Variants in MYO1B observed in about 807,000 individuals in gnomAD.
MYO1B encodes the protein unconventional myosin-Ib.
MYO1B carries 72 observed loss-of-function variants against 159.7 expected under a neutral mutation model. The observed-to-expected ratio is 0.45, with a 90% CI of 0.37 to 0.55. The LOEUF (loss-of-function observed/expected upper bound fraction) is 0.55, where lower values mean the gene tolerates loss of function less well. MYO1B is among the 20% of genes least tolerant of loss of function. MYO1B has a pLI of 0.00. For missense variants in MYO1B, 1,062 were observed against 1,364.8 expected (o/e 0.78, Z 3.50); for synonymous variants, 468 against 473.8 (o/e 0.99, Z 0.16).
Position 191,359,869 on chromosome 2 carries a change from A to G in MYO1B, c.563-762A>G, listed in dbSNP as rs542404738. Among the ~76,000 whole-genome samples the G allele has an allele frequency of 3.9e-5, 6 of 152,346 alleles. No individual in the cohort carries two copies. The South Asian group carries it at 8.3e-4, about 21-fold the overall frequency. On this transcript the variant is annotated intron_variant, in intron 7 of 30. Transcript: ENST00000392318. ...GATAAGCAGGGCTCCAGACAAGAAT[A>G]TCCTCGTCATCCCTCCCTTCCTTCC...
chr2:191,247,009 C>T (rs1035394151), intron 1 of MYO1B, among the ~76,000 whole-genome samples: 2 of 152,094 alleles, frequency 1.3e-5, no homozygotes, highest in African/African-American at 2.4e-5. Flanking sequence ...AATCGAGACT[C>T]GCCAAAGGAT....
chr2:191,416,185 T>C lies in MYO1B; in HGVS notation c.3230T>C (p.Leu1077Pro). The C allele has an allele frequency of 6.2e-7, 1 of 1,614,164 alleles. No homozygotes were observed. The highest frequency in any genetic ancestry group is 8.5e-7 in the Non-Finnish European group (1 of 1,180,012). Residue 1077 changes from leucine (L) to proline (P), a missense_variant, in exon 30 of 31, where the codon CTC becomes CCC. Physicochemically the swap from Leu to Pro is moderately conservative, Grantham distance 98 (BLOSUM62 -3). This residue lies in a region of MYO1B where 609 missense variants were observed against 744.4 expected (regional missense o/e 0.82). Coordinates refer to ENST00000392318, the MANE Select transcript of MYO1B (RefSeq NM_001130158.3). ...CACCTGATTGAAATGGCCACCAAGC[T>C]CTATCGCACAACTCTCAGCCAAACC... ...SDHLIEMATK[L>P]YRTTLSQTKQ...
At chr2:191,294,773 A>G (rs990255152) in intron 2 of MYO1B, among the ~76,000 whole-genome samples, 13 of 152,052 alleles carry the variant, frequency 8.5e-5, no homozygotes, top group African/African-American at 3.1e-4. Flanking sequence ...ACAAGATAGT[A>G]TTCTTACAGG....
intron 1 of MYO1B, among the ~76,000 whole-genome samples, chr2:191,251,436 T>A (rs1004862066): frequency 2.0e-5 from 3 of 152,226 alleles, no homozygotes; most frequent in African/African-American, 7.2e-5. Context: ...AAATTGACAT[T>A]CTTCTTTTGC....
intron 3 of MYO1B, among the ~76,000 whole-genome samples, chr2:191,317,803 C>T (rs2125883383): frequency 6.6e-6 from 1 of 152,288 alleles, no homozygotes; most frequent in Middle Eastern, 3.4e-3. Context: ...TAACTTAATT[C>T]TTCGAGTATT....
chr2:191,354,627 C>T (rs1455952849), intron 7 of MYO1B, among the ~76,000 whole-genome samples: 4 of 152,128 alleles, frequency 2.6e-5, no homozygotes, highest in Non-Finnish European at 4.4e-5. Context: ...CCCCCCGCCC[C>T]CTACAACCTC....
chr2:191,388,921 A>G (rs982259184), intron 17 of MYO1B, among the ~76,000 whole-genome samples: 1 of 152,210 alleles, frequency 6.6e-6, no homozygotes, highest in Admixed American at 6.5e-5. Flanking sequence ...ATCTTAATTA[A>G]TAAACCCCAA....
chr2:191,246,736 T>C (rs1685816251), intron 1 of MYO1B, among the ~76,000 whole-genome samples: 1 of 152,196 alleles, frequency 6.6e-6, no homozygotes, highest in Admixed American at 6.5e-5. Context: ...TACAACAGTT[T>C]TCCAGGACTG....
intron 30 of MYO1B, among the ~76,000 whole-genome samples, chr2:191,419,038 A>C (rs1299994879): frequency 6.6e-6 from 1 of 152,192 alleles, no homozygotes; most frequent in Non-Finnish European, 1.5e-5. Context: ...TCTTCTGTCT[A>C]TTGATGTCAC....
chr2:191,252,436 A>G (rs182774224), intron 1 of MYO1B, among the ~76,000 whole-genome samples: 4 of 152,336 alleles, frequency 2.6e-5, no homozygotes, highest in Admixed American at 2.0e-4. Context: ...AGTATCTGTA[A>G]TTACATGATC....
chr2:191,295,347 G>A (rs1688921443), intron 2 of MYO1B, among the ~76,000 whole-genome samples: 1 of 152,130 alleles, frequency 6.6e-6, no homozygotes, highest in Non-Finnish European at 1.5e-5. Context: ...GAGAAATTGT[G>A]TTCTGGTTTA....
chr2:191,395,456 A>G (rs1696012399), intron 20 of MYO1B, among the ~76,000 whole-genome samples: 1 of 152,266 alleles, frequency 6.6e-6, no homozygotes, highest in South Asian at 2.1e-4. Flanking sequence ...CTCCCGCCTC[A>G]GAGAAGGGGG....
intron 24 of MYO1B, among the ~76,000 whole-genome samples, chr2:191,406,757 T>C (rs1696939524): frequency 6.6e-6 from 1 of 152,142 alleles, no homozygotes; most frequent in Non-Finnish European, 1.5e-5. Context: ...GTTGGAAAAA[T>C]GGTGCCAATA....
At chr2:191,274,044 C>T (rs940996832) in intron 1 of MYO1B, among the ~76,000 whole-genome samples, 9 of 152,212 alleles carry the variant, frequency 5.9e-5, no homozygotes, top group Non-Finnish European at 5.9e-5. Context: ...AATACCCCCA[C>T]ACCGTTTCCT....
intron 1 of MYO1B, among the ~76,000 whole-genome samples, chr2:191,259,988 G>A (rs1298055644): frequency 6.6e-6 from 1 of 152,044 alleles, no homozygotes; most frequent in Admixed American, 6.6e-5. Flanking sequence ...TGGAAGCTGT[G>A]GATAATGTTA....
chr2:191,325,308 G>A (rs1232984578), intron 3 of MYO1B, among the ~76,000 whole-genome samples: 1 of 152,110 alleles, frequency 6.6e-6, no homozygotes, highest in Non-Finnish European at 1.5e-5. Context: ...GAATTTCCTG[G>A]TGTTATTTGA....
chr2:191,411,319 A>G (rs2126167340), intron 27 of MYO1B, 147 bp downstream of exon 27: 1 of 557,538 alleles, frequency 1.8e-6, no homozygotes, highest in South Asian at 3.0e-5. Flanking sequence ...CTTGATGTAA[A>G]CACATTTATT....
chr2:191,264,888 A>G (rs1052638135), intron 1 of MYO1B, among the ~76,000 whole-genome samples: 10 of 151,698 alleles, frequency 6.6e-5, no homozygotes, highest in African/African-American at 2.2e-4. Context: ...CTGGGACAAG[A>G]TCCTAGGAGA....
At chr2:191,320,610 GC>G (rs964529555) in intron 3 of MYO1B, among the ~76,000 whole-genome samples, 9 of 151,954 alleles carry the variant, frequency 5.9e-5, no homozygotes, top group Admixed American at 2.6e-4. Context: ...CCATGAAATG[GC>G]TACAGATTTG....
Sources: gnomAD v4.1 joint callset for allele counts (sites outside exome capture counted in the v4.1 genomes callset) on GRCh38, gnomAD v4.1.1 for gene constraint, gnomAD v4.1.1 regional missense constraint, MANE v1.5 for transcripts, NCBI Gene and HGNC (gene_info 2026-07-23, HGNC 2026-07-21) for gene names.